Variants in DNAJC6 observed in about 807,000 individuals in gnomAD.
The protein encoded by DNAJC6 is DnaJ heat shock protein family (Hsp40) member C6, also known as auxilin.
A neutral mutation model predicts 110.0 loss-of-function variants in DNAJC6; 34 were observed. That is an observed-to-expected ratio of 0.31 (90% CI 0.24 to 0.41). The LOEUF (loss-of-function observed/expected upper bound fraction) is 0.41, where lower values mean the gene tolerates loss of function less well. DNAJC6 is among the 10% of genes least tolerant of loss of function. DNAJC6 has a pLI of 1.00. For missense variants in DNAJC6, 1,031 were observed against 1,207.8 expected, an observed-to-expected ratio of 0.85 and a Z score of 2.17; for synonymous variants, 406 against 437.2, an observed-to-expected ratio of 0.93 and a Z score of 0.89.
chr1:65,331,585 G>A (rs1229036290), intron 1 of DNAJC6, among the ~76,000 whole-genome samples: 3 of 152,186 alleles, frequency 2.0e-5, no homozygotes, highest in African/African-American at 7.2e-5. Context: ...TGCCCACTCA[G>A]TTTGATGCCA....
At chr1:65,409,922 C>T (rs565215073) in intron 17 of DNAJC6, among the ~76,000 whole-genome samples, 1 of 152,114 alleles carries the variant, frequency 6.6e-6, no homozygotes, top group South Asian at 2.1e-4. Context: ...GCGAATCTAA[C>T]CCCTTTGTTT....
At position 65,398,228 on chromosome 1, in the gene DNAJC6, C is replaced by T. The variant is rs149828800; in HGVS notation, c.2039-585C>T. 2.5e-3 allele frequency among the ~76,000 whole-genome samples: 380 copies of T among 152,278 alleles called. 2 individuals carry two copies. The highest frequency in any genetic ancestry group is 8.2e-3 in the African/African-American group (341 of 41,552). On this transcript the variant is annotated intron_variant, in intron 13 of 18. Coordinates refer to ENST00000371069, the MANE Select transcript of DNAJC6 (RefSeq NM_001256864.2). ...GAGTTTATTTTGAGTACCATAGACA[C>T]ATCCCTGACAACCAGCATAGTGATG...
chr1:65,324,367 G>T lies in DNAJC6; in HGVS notation c.193+14429G>T, dbSNP rs187869689. 1.9e-3 allele frequency among the ~76,000 whole-genome samples: 272 copies of T among 146,904 alleles called. 3 individuals carry two copies. Among genetic ancestry groups the T allele is most frequent in the South Asian group, 5.2e-3 (24 of 4,602 alleles). On this transcript the variant is annotated intron_variant, in intron 1 of 18. Transcript: ENST00000371069. ...AAGTTTTTTTTGTTTGTTTTGTTTT[G>T]TTTTTTTTTTAAGATGGAGTCTTGC...
At chr1:65,343,917 G>T (rs1488339524) in intron 1 of DNAJC6, among the ~76,000 whole-genome samples, 1 of 152,166 alleles carries the variant, frequency 6.6e-6, no homozygotes, top group African/African-American at 2.4e-5. Context: ...GATGGAAAAG[G>T]CTTCAGTTTG....
intron 1 of DNAJC6, among the ~76,000 whole-genome samples, chr1:65,302,687 C>T (rs1468654168): frequency 6.6e-6 from 1 of 151,124 alleles, no homozygotes; most frequent in African/African-American, 2.4e-5. Context: ...AGGCGCCCGC[C>T]ACCGCGCCCG....
At chr1:65,372,421 T>A (rs925312271) in intron 4 of DNAJC6, among the ~76,000 whole-genome samples, 2 of 152,094 alleles carry the variant, frequency 1.3e-5, no homozygotes, top group African/African-American at 4.8e-5. Context: ...ACCTACCATA[T>A]GAGCAACACA....
chr1:65,358,178 C>CAA (rs11285114), intron 1 of DNAJC6, among the ~76,000 whole-genome samples: 210 of 79,876 alleles, frequency 2.6e-3, no homozygotes, highest in East Asian at 3.4e-3. Context: ...GACTCAGTCT[C>CAA]AAAAAAAAAA....
chr1:65,278,976 C>T lies in DNAJC6; in HGVS notation c.-131+14044C>T, dbSNP rs1653761111. Reference sequence around the variant, plus strand: ...CCTACTCTTTCTGCCCTCCTCCATCCCCTTCCCCATGGCAGTTTAAAAACA... The same window carrying T: ...CCTACTCTTTCTGCCCTCCTCCATCTCCTTCCCCATGGCAGTTTAAAAACA... On this transcript the variant is annotated intron_variant, in intron 1 of 19. Transcript: ENST00000263441. 6 of 985,232 alleles carry T rather than the reference C, an allele frequency of 6.1e-6. 1 individual carries two copies. In the South Asian group the frequency reaches 2.8e-4, roughly 46 times the overall value. The allele number at this position is 985,232 out of a possible 1,614,324, so 61.0% of individuals were successfully genotyped here. A position where few individuals can be genotyped will look rare whatever the true frequency, so the allele number is the denominator to read the frequency against.
At position 65,309,686 on chromosome 1, in the gene DNAJC6, C is replaced by T; in HGVS notation, c.-60C>T. Reference sequence around the variant, plus strand: ...TTAATTCCTTCTTCAGCCCTTTCCACCTTCCATCTCCCTTTTCGCTTCCCA... The same window carrying T: ...TTAATTCCTTCTTCAGCCCTTTCCATCTTCCATCTCCCTTTTCGCTTCCCA... On this transcript the variant is annotated 5_prime_UTR_variant, in exon 1 of 19. Coordinates refer to ENST00000371069, the MANE Select transcript of DNAJC6 (RefSeq NM_001256864.2). The T allele has an allele frequency of 2.0e-6, 3 of 1,529,918 alleles. No individual in the cohort carries two copies. The South Asian group carries it at 3.7e-5, about 19-fold the overall frequency. The allele number at this position is 1,529,918 out of a possible 1,614,324, so 94.8% of individuals were successfully genotyped here. A position where few individuals can be genotyped will look rare whatever the true frequency, so the allele number is the denominator to read the frequency against.
intron 1 of DNAJC6, among the ~76,000 whole-genome samples, chr1:65,320,230 T>TGA (rs1553138555): frequency 6.6e-6 from 1 of 152,242 alleles, no homozygotes; most frequent in Non-Finnish European, 1.5e-5. Context: ...GATGAAGGAA[T>TGA]GAATTTTACT....
intron 1 of DNAJC6, among the ~76,000 whole-genome samples, chr1:65,274,998 G>C (rs1653622608): frequency 6.6e-6 from 1 of 152,142 alleles, no homozygotes; most frequent in Non-Finnish European, 1.5e-5. Context: ...GCGCTTAGAA[G>C]ACTTTAACTC....
upstream of DNAJC6, among the ~76,000 whole-genome samples, chr1:65,307,000 CTCTCTCTCTCTCTCTCTCTATATATATA>C (rs1222313453): frequency 2.6e-5 from 3 of 115,654 alleles, no homozygotes; most frequent in African/African-American, 9.6e-5. Flanking sequence ...CTCTCTCTCT[CTCTCTCTCTCTCTCTCTCTATATATATA>C]TATATATATA....
At chr1:65,366,886 C>G (rs1266459770) in intron 4 of DNAJC6, among the ~76,000 whole-genome samples, 6 of 152,110 alleles carry the variant, frequency 3.9e-5, no homozygotes, top group Non-Finnish European at 1.5e-5. Flanking sequence ...ATGCATGGAT[C>G]CTTTAAAAGT....
At chr1:65,358,985 G>A (rs1645573486) in intron 1 of DNAJC6, among the ~76,000 whole-genome samples, 1 of 152,104 alleles carries the variant, frequency 6.6e-6, no homozygotes, top group Non-Finnish European at 1.5e-5. Flanking sequence ...TATGCATTAT[G>A]GACACTCCTT....
intron 1 of DNAJC6, among the ~76,000 whole-genome samples, chr1:65,349,029 A>AATATATGTAAATGCATATATAAAAAT (rs1188043592): frequency 2.1e-5 from 3 of 144,972 alleles, no homozygotes; most frequent in African/African-American, 7.6e-5. Flanking sequence ...AATACATATA[A>AATATATGTAAATGCATATATAAAAAT]ATATATGTAA....
chr1:65,367,898 C>A (rs1216276824), intron 4 of DNAJC6, among the ~76,000 whole-genome samples: 2 of 140,484 alleles, frequency 1.4e-5, no homozygotes, highest in African/African-American at 2.6e-5. Context: ...TTTTTGGATA[C>A]CTAGAACAAC....
chr1:65,349,127 T>TAA (rs1420227393), intron 1 of DNAJC6, among the ~76,000 whole-genome samples: 2 of 136,034 alleles, frequency 1.5e-5, no homozygotes, highest in East Asian at 4.1e-4. Context: ...TATATATATA[T>TAA]AAATATATAT....
At chr1:65,301,848 T>C (rs1341618959) in intron 1 of DNAJC6, among the ~76,000 whole-genome samples, 1 of 151,830 alleles carries the variant, frequency 6.6e-6, no homozygotes, top group South Asian at 2.1e-4. Context: ...TAGACTCTGT[T>C]TGTCTTCTCT....
chr1:65,301,946 G>C (rs1397178458), intron 1 of DNAJC6, among the ~76,000 whole-genome samples: 6 of 151,308 alleles, frequency 4.0e-5, no homozygotes, highest in Non-Finnish European at 1.5e-5. Context: ...GTCCTGCCTT[G>C]GACAGGTGAA....
Sources: allele counts gnomAD v4.1 joint callset (sites outside exome capture counted in the v4.1 genomes callset), GRCh38; gene constraint gnomAD v4.1.1; transcripts MANE v1.5; gene names NCBI Gene and HGNC (gene_info 2026-07-23, HGNC 2026-07-21).